Variants in PCSK5 observed in about 807,000 individuals in gnomAD.
The protein encoded by PCSK5 is proprotein convertase subtilisin/kexin type 5.
In PCSK5, 129 loss-of-function variants were observed where a neutral mutation model predicts 233.2. The observed-to-expected ratio is 0.55, with a 90% CI of 0.48 to 0.64. The LOEUF (loss-of-function observed/expected upper bound fraction) is 0.64, where lower values mean the gene tolerates loss of function less well. Among genes scored for constraint, PCSK5 ranks in the 30% least tolerant of loss-of-function variants. PCSK5 has a pLI of 0.00. For synonymous variants in PCSK5, 825 were observed against 879.2 expected (o/e 0.94, Z 1.09); for missense variants, 2,076 against 2,430.1 (o/e 0.85, Z 3.06).
At chr9:76,076,378 T>C (rs1830647263) in intron 7 of PCSK5, among the ~76,000 whole-genome samples, 1 of 152,150 alleles carries the variant, frequency 6.6e-6, no homozygotes, top group Admixed American at 6.5e-5. Context: ...CCTGACCTTA[T>C]ACAATTTTAA....
chr9:75,985,747 C>T (rs4541993), intron 2 of PCSK5, among the ~76,000 whole-genome samples: 40,795 of 151,840 alleles, frequency 0.27, 6,259 homozygotes, highest in East Asian at 0.64. Flanking sequence ...GCCTAAAATA[C>T]GTATTATTTG....
chr9:76,110,958 TTAGC>T (rs1832187980), intron 9 of PCSK5, among the ~76,000 whole-genome samples: 1 of 152,000 alleles, frequency 6.6e-6, no homozygotes, highest in African/African-American at 2.4e-5. Flanking sequence ...CATATAAAAA[TTAGC>T]CAGGCGTGGT....
intron 2 of PCSK5, among the ~76,000 whole-genome samples, chr9:75,952,379 TCCATACTGAAG>T (rs2131326832): frequency 6.6e-6 from 1 of 152,322 alleles, no homozygotes; most frequent in African/African-American, 2.4e-5. Context: ...CTCCATTGTC[TCCATACTGAAG>T]CCATCCTTGT....
Position 76,189,715 on chromosome 9 carries a change from A to C in PCSK5, c.2595A>C (p.Gly865=). The stretch of plus-strand genomic sequence containing the variant: ...CTAGTGGGTATCTCTTAGACTTAGG[A>C]ATGTGTCAAATGGGAGCCATTTGCA... ...SCPSGYLLDL[G]MCQMGAICKD... The change falls in exon 20 of 38, where the codon GGA becomes GGC. Residue 865 remains glycine, a synonymous_variant. Transcript: ENST00000674117. 6.2e-7 allele frequency: 1 copy of C among 1,608,640 alleles called. No homozygotes were observed. Among genetic ancestry groups the C allele is most frequent in the African/African-American group, 1.3e-5 (1 of 74,930 alleles).
chr9:76,042,540 A>G (rs1829164697), intron 5 of PCSK5, among the ~76,000 whole-genome samples: 1 of 152,102 alleles, frequency 6.6e-6, no homozygotes, highest in African/African-American at 2.4e-5. Flanking sequence ...CTGTAATCCC[A>G]GCTACTAGGG....
chr9:75,900,416 T>G (rs1486987945), intron 1 of PCSK5, among the ~76,000 whole-genome samples: 1 of 152,160 alleles, frequency 6.6e-6, no homozygotes, highest in Non-Finnish European at 1.5e-5. Flanking sequence ...AAGAGGCTCA[T>G]GCCTGTAATC....
At chr9:76,279,909 T>G (rs1234718192) in intron 24 of PCSK5, among the ~76,000 whole-genome samples, 1 of 151,930 alleles carries the variant, frequency 6.6e-6, no homozygotes, top group East Asian at 1.9e-4. Context: ...CAGAAGCTCT[T>G]TAGTTTAATT....
chr9:76,122,284 T>C (rs1441368607), intron 9 of PCSK5, among the ~76,000 whole-genome samples: 1 of 152,138 alleles, frequency 6.6e-6, no homozygotes, highest in African/African-American at 2.4e-5. Context: ...CTTTCCTGTT[T>C]TCCTCTTCAT....
At chr9:76,205,178 A>T in intron 20 of PCSK5, 1 of 518,978 alleles carries the variant, frequency 1.9e-6, no homozygotes, top group Non-Finnish European at 3.8e-6. Context: ...CTCAGTTTGC[A>T]GCTATCTCAC....
intron 36 of PCSK5, among the ~76,000 whole-genome samples, chr9:76,352,560 G>C (rs948549708): frequency 2.0e-5 from 3 of 151,960 alleles, no homozygotes; most frequent in Admixed American, 6.6e-5. Flanking sequence ...TAGAGATGGG[G>C]TCTCACCATG....
chr9:76,050,932 G>C (rs1332683783), intron 5 of PCSK5, among the ~76,000 whole-genome samples: 1 of 152,142 alleles, frequency 6.6e-6, no homozygotes, highest in Non-Finnish European at 1.5e-5. Context: ...CAGTTGTAAA[G>C]AATGAGCCAT....
chr9:76,122,333 A>G (rs2131718302), intron 9 of PCSK5, among the ~76,000 whole-genome samples: 1 of 150,906 alleles, frequency 6.6e-6, no homozygotes, highest in South Asian at 2.1e-4. Context: ...TGGTTCATTT[A>G]TCTTTCCTTT....
chr9:76,148,317 G>T (rs781246641), intron 10 of PCSK5, among the ~76,000 whole-genome samples: 9 of 141,944 alleles, frequency 6.3e-5, no homozygotes, highest in Non-Finnish European at 1.2e-4. Flanking sequence ...CTGTTGCTTA[G>T]AGAGGGAGAG....
At chr9:76,255,295 A>G (rs1332556053) in intron 24 of PCSK5, among the ~76,000 whole-genome samples, 1 of 151,992 alleles carries the variant, frequency 6.6e-6, no homozygotes, top group Non-Finnish European at 1.5e-5. Context: ...TCAAAAAAAT[A>G]AAAAAAATAA....
chr9:76,342,275 A>G (rs1385305688), intron 35 of PCSK5, among the ~76,000 whole-genome samples: 1 of 152,210 alleles, frequency 6.6e-6, no homozygotes, highest in Non-Finnish European at 1.5e-5. Context: ...ATTATTGCCC[A>G]GCCTCACTCT....
At chr9:76,195,480 C>T (rs1188630509) in intron 20 of PCSK5, 6 of 152,106 alleles carry the variant, frequency 3.9e-5, no homozygotes, top group South Asian at 2.1e-4. Flanking sequence ...AGGTGCACGT[C>T]GCGGAAATAC....
chr9:75,987,715 A>G (rs1826580805), intron 3 of PCSK5, among the ~76,000 whole-genome samples: 1 of 152,208 alleles, frequency 6.6e-6, no homozygotes, highest in South Asian at 2.1e-4. Flanking sequence ...CCTTAGCCCC[A>G]GTAGCCGCAA....
intron 2 of PCSK5, among the ~76,000 whole-genome samples, chr9:75,939,181 C>A (rs1245488344): frequency 6.6e-6 from 1 of 152,136 alleles, no homozygotes; most frequent in Non-Finnish European, 1.5e-5. Context: ...CAAGAATAGC[C>A]TTGAGTCACA....
intron 20 of PCSK5, among the ~76,000 whole-genome samples, chr9:76,190,585 G>C (rs952760304): frequency 2.4e-5 from 2 of 83,978 alleles, no homozygotes; most frequent in African/African-American, 3.8e-5. Context: ...ATTCAATCAT[G>C]TGAAGATTCT....
Sources: allele counts gnomAD v4.1 joint callset (sites outside exome capture counted in the v4.1 genomes callset), GRCh38; gene constraint gnomAD v4.1.1; transcripts MANE v1.5; gene names NCBI Gene and HGNC (gene_info 2026-07-23, HGNC 2026-07-21).